RNF151: variants seen among roughly 807,000 people sequenced by gnomAD.
The protein encoded by RNF151 is ring finger protein 151.
Under a neutral mutation model 11.1 loss-of-function variants are expected in RNF151, and 9 were observed. That is an observed-to-expected ratio of 0.81 (90% CI 0.49 to 1.42). The LOEUF is 1.42. RNF151 is among the 40% of genes most tolerant of loss of function. RNF151 has a pLI of 0.00. For synonymous variants in RNF151, 172 were observed against 140.7 expected (o/e 1.22, Z -1.58); for missense variants, 372 against 342.9 (o/e 1.08, Z -0.67).
chr16:1,968,006 A>C (rs1410335623), intron 3 of RNF151, 185 bp downstream of exon 3: 1 of 705,684 alleles, frequency 1.4e-6, no homozygotes, highest in Non-Finnish European at 2.6e-6. Flanking sequence ...ACTTTAGGCA[A>C]GTCACCTAAC....
intron 1 of RNF151, 109 bp from the exon 2 acceptor site, chr16:1,967,165 G>A (rs1476599265): frequency 7.0e-7 from 1 of 1,429,760 alleles, no homozygotes; most frequent in Non-Finnish European, 9.4e-7. Context: ...TTTACTTGAA[G>A]TTCTGTGGCC....
Position 1,968,731 on chromosome 16 carries a change from C to T in RNF151, c.544C>T (p.Leu182Phe), listed in dbSNP as rs1231494750. ...QERRRPLLLSLLRRVRWLDQA... is the reference protein window; with the variant it reads ...QERRRPLLLSFLRRVRWLDQA... ...GCGCCGTCGGCCCCTGCTGCTGTCC[C>T]TCCTGCGGCGTGTGCGCTGGCTGGA... The change falls in exon 4 of 4, where the codon CTC (leucine) becomes TTC (phenylalanine). Residue 182 changes from leucine (L) to phenylalanine (F), a missense_variant. Coordinates refer to ENST00000569714, the MANE Select transcript of RNF151 (RefSeq NM_174903.6). The T allele has an allele frequency of 1.3e-5, 21 of 1,570,826 alleles. No homozygotes were observed. Among genetic ancestry groups the T allele is most frequent in the Non-Finnish European group, 1.8e-5 (21 of 1,159,058 alleles).
At position 1,968,665 on chromosome 16, in the gene RNF151, T is replaced by C; in HGVS notation, c.478T>C (p.Cys160Arg). ...CCCGGCCGAGCGTGCTCGCCACAAC[T>C]GCTACCGGGAGCTGCACAACGCCTG... ...LDPAERARHNCYRELHNAWSV... is the reference protein window; with the variant it reads ...LDPAERARHNRYRELHNAWSV... The change falls in exon 4 of 4, where the codon TGC becomes CGC. Residue 160 changes from cysteine (C) to arginine (R), a missense_variant. Cys to Arg is a radical substitution (Grantham distance 180). Transcript: ENST00000569714. 1 of 1,568,172 alleles carries C rather than the reference T, an allele frequency of 6.4e-7. No individual in the cohort carries two copies. The highest frequency in any genetic ancestry group is 8.6e-7 in the Non-Finnish European group (1 of 1,157,498).
rs571773908 is a variant in RNF151 at position 1,967,780 on chromosome 16, A to T, written c.205A>T (p.Met69Leu). The change falls in exon 3 of 4, where the codon ATG (methionine) becomes TTG (leucine). Residue 69 changes from methionine (M) to leucine (L), a missense_variant. Transcript: ENST00000569714. ...GGTGAAAAGGAAAAAGGTTGTCCAC[A>T]TGAATAAACTCCGGAAAACCATTGG... Reference protein sequence around the residue: ...KEVKRKKVVHMNKLRKTIGRL... With the variant: ...KEVKRKKVVHLNKLRKTIGRL... The T allele has an allele frequency of 2.5e-6, 4 of 1,611,984 alleles. No individual in the cohort carries two copies. In the African/African-American group the frequency reaches 4.0e-5, roughly 16 times the overall value.
In RNF151 at chr16:1,968,849, A is replaced by C. The variant is rs918676821; in HGVS notation, c.662A>C (p.Glu221Ala). ...TALLEGAPQE[E>A]AEAAPEGNVG... ...CTGCTGGAGGGTGCCCCACAGGAGG[A>C]GGCCGAGGCTGCCCCAGAAGGCAAC... Residue 221 changes from glutamate to alanine, a missense_variant, in exon 4 of 4, where the codon GAG becomes GCG. By Grantham distance (107) the Glu-to-Ala change is moderately radical. Coordinates refer to ENST00000569714, the MANE Select transcript of RNF151 (RefSeq NM_174903.6). 2.5e-6 allele frequency: 4 copies of C among 1,596,628 alleles called. No individual in the cohort carries two copies. The highest frequency in any genetic ancestry group is 2.7e-5 in the African/African-American group (2 of 74,610).
intron 3 of RNF151, chr16:1,968,140 A>T: frequency 3.2e-6 from 2 of 631,198 alleles, no homozygotes; most frequent in Non-Finnish European, 5.6e-6. Flanking sequence ...CCCTAGTTTT[A>T]CAGATGGGTA....
At position 1,968,446 on chromosome 16, in the gene RNF151, G is replaced by A. The variant is rs1196853304; in HGVS notation, c.259G>A (p.Asp87Asn). Reference protein sequence around the residue: ...GRLEVKCKNADAGCIVTCPLA... With the variant: ...GRLEVKCKNANAGCIVTCPLA... ...CCTTCACCCTCAGTGCAAGAACGCCGACGCTGGCTGCATAGTGACATGCCC... is the reference window on the plus strand; with the variant it reads ...CCTTCACCCTCAGTGCAAGAACGCCAACGCTGGCTGCATAGTGACATGCCC... Residue 87 changes from aspartate to asparagine, a missense_variant, in exon 4 of 4, where the codon GAC becomes AAC. Physicochemically the swap from Asp to Asn is conservative, Grantham distance 23. Coordinates refer to ENST00000569714, the MANE Select transcript of RNF151 (RefSeq NM_174903.6). The A allele has an allele frequency of 8.3e-6, 13 of 1,560,848 alleles. No homozygotes were observed. The East Asian group carries it at 1.4e-4, about 17-fold the overall frequency.
chr16:1,967,899 C>T, intron 3 of RNF151, 78 bp downstream of exon 3: 1 of 992,630 alleles, frequency 1.0e-6, no homozygotes. Flanking sequence ...GGAGAGAAGG[C>T]AGGAGAATCC....
chr16:1,968,400 C>T, intron 3 of RNF151, 34 bp from the exon 4 acceptor site: 1 of 1,492,512 alleles, frequency 6.7e-7, no homozygotes, highest in South Asian at 1.3e-5. Flanking sequence ...GGGTGTCCTG[C>T]CCGGTTTCTT....
In RNF151 at chr16:1,967,462, C is replaced by G. The variant is rs374933547; in HGVS notation, c.149+43C>G. 52 of 1,562,514 alleles carry G rather than the reference C, an allele frequency of 3.3e-5. No individual in the cohort carries two copies. In the African/African-American group the frequency reaches 6.8e-4, roughly 20 times the overall value. Reference sequence around the variant, plus strand: ...AGGGGCTGGGAGGGCAGGAGTGAGACTGGGGGCCATTGCTGTGGCCCAGAA... The same window carrying G: ...AGGGGCTGGGAGGGCAGGAGTGAGAGTGGGGGCCATTGCTGTGGCCCAGAA... On this transcript the variant is annotated intron_variant, in intron 2 of 3. Transcript: ENST00000569714.
chr16:1,967,375 C>G lies in RNF151; in HGVS notation c.105C>G (p.Cys35Trp). 1 of 1,613,764 alleles carries G rather than the reference C, an allele frequency of 6.2e-7. No individual in the cohort carries two copies. Among genetic ancestry groups the G allele is most frequent in the Non-Finnish European group, 8.5e-7 (1 of 1,179,850 alleles). ...GVLKRPARLP[C>W]SHIFCKKCIL... Reference sequence around the variant, plus strand: ...TCAAGAGGCCAGCAAGGTTGCCATGCAGCCACATCTTCTGCAAAAAGTGCA... The same window carrying G: ...TCAAGAGGCCAGCAAGGTTGCCATGGAGCCACATCTTCTGCAAAAAGTGCA... Residue 35 changes from cysteine (C) to tryptophan (W), a missense_variant, in exon 2 of 4, where the codon TGC becomes TGG. By Grantham distance (215) the Cys-to-Trp change is radical. Transcript: ENST00000569714.
chr16:1,967,980 G>T (rs2083326539), intron 3 of RNF151, 159 bp downstream of exon 3: 2 of 712,342 alleles, frequency 2.8e-6, no homozygotes, highest in East Asian at 5.4e-5. Context: ...TGGCTCTACT[G>T]CTTAGTTGCT....
rs763097728 is a variant in RNF151, at chr16:1,967,419, G to A, written c.149G>A (p.Arg50Lys). 5 of 1,612,408 alleles carry A rather than the reference G, an allele frequency of 3.1e-6. No homozygotes were observed. The South Asian group carries it at 5.5e-5, about 18-fold the overall frequency. The part of the protein sequence containing the change: ...CKKCILRWLA[R>K]QKTCPCCRKE... ...AAGTGCATCCTCCGGTGGCTAGCCA[G>A]GTGCCAGCGGGTACCCAAGGGGCTG... The change falls in exon 2 of 4, where the codon AGA becomes AAA. Residue 50 changes from arginine (R) to lysine (K), a missense_variant and splice_region_variant. Arg to Lys is a conservative substitution (Grantham distance 26). Transcript: ENST00000569714.
intron 1 of RNF151, 101 bp downstream of exon 1, chr16:1,966,985 T>G: frequency 7.3e-7 from 1 of 1,367,824 alleles, no homozygotes; most frequent in Non-Finnish European, 1.0e-6. Flanking sequence ...TCGGAAAGGG[T>G]GGGCAATGGG....
At position 1,968,711 on chromosome 16, in the gene RNF151, G is replaced by C. The variant is rs758388088; in HGVS notation, c.524G>C (p.Arg175Pro). The C allele has an allele frequency of 1.9e-6, 3 of 1,566,038 alleles. No homozygotes were observed. Among genetic ancestry groups the C allele is most frequent in the Non-Finnish European group, 2.6e-6 (3 of 1,156,324 alleles). ...HNAWSVRQERRRPLLLSLLRR... is the reference protein window; with the variant it reads ...HNAWSVRQERPRPLLLSLLRR... ...GCCTGGAGCGTGCGCCAGGAGCGCC[G>C]TCGGCCCCTGCTGCTGTCCCTCCTG... The change falls in exon 4 of 4, where the codon CGT (arginine) becomes CCT (proline). Residue 175 changes from arginine (R) to proline (P), a missense_variant. Physicochemically the swap from Arg to Pro is moderately radical, Grantham distance 103. Coordinates refer to ENST00000569714, the MANE Select transcript of RNF151 (RefSeq NM_174903.6).
chr16:1,966,896 G>A lies in RNF151; in HGVS notation c.3+12G>A. ...AGACGCAGATCATGGTGAGCCTGGG[G>A]CCCTCTTGCTTCCAGCCCTGAGATG... On this transcript the variant is annotated intron_variant, in intron 1 of 3. Transcript: ENST00000569714. 6.3e-7 allele frequency: 1 copy of A among 1,574,836 alleles called. No homozygotes were observed. Among genetic ancestry groups the A allele is most frequent in the Non-Finnish European group, 8.6e-7 (1 of 1,156,078 alleles).
chr16:1,968,896 G>T lies in RNF151; in HGVS notation c.709G>T (p.Glu237Ter). ...CAACGTTGGGGCTGAGGTGGTGGGG[G>T]AGCCCAGGGCCAACATACCTTGTAA... Reference protein sequence around the residue: ...EGNVGAEVVGEPRANIPCK With the variant: ...EGNVGAEVVG Residue 237 changes from glutamate (E) to a stop codon, truncating the protein, a stop_gained, in exon 4 of 4, where the codon GAG (glutamate) becomes TAG (stop). Transcript: ENST00000569714. LOFTEE classifies it high-confidence loss of function. 2.5e-6 allele frequency: 4 copies of T among 1,599,118 alleles called. No individual in the cohort carries two copies. The highest frequency in any genetic ancestry group is 3.4e-6 in the Non-Finnish European group (4 of 1,173,642).
Position 1,968,782 on chromosome 16 carries a change from G to T in RNF151, c.595G>T (p.Glu199Ter), listed in dbSNP as rs762848406. 6.3e-7 allele frequency: 1 copy of T among 1,590,234 alleles called. No individual in the cohort carries two copies. The highest frequency in any genetic ancestry group is 8.6e-7 in the Non-Finnish European group (1 of 1,169,182). ...LDQATSVVRRELAELSNFLEE... is the reference protein window; with the variant it reads ...LDQATSVVRR The stretch of plus-strand genomic sequence containing the variant: ...CCAAGCCACCAGTGTCGTTCGTAGA[G>T]AGCTGGCGGAGCTCAGCAACTTCCT... The change falls in exon 4 of 4, where the codon GAG becomes TAG. Residue 199 changes from glutamate (E) to a stop codon, truncating the protein, a stop_gained. Coordinates refer to ENST00000569714, the MANE Select transcript of RNF151 (RefSeq NM_174903.6). LOFTEE classifies it low-confidence loss of function (END_TRUNC).
chr16:1,967,858 T>C lies in RNF151; in HGVS notation c.246+37T>C, dbSNP rs2083325374. On this transcript the variant is annotated intron_variant, in intron 3 of 3. Coordinates refer to ENST00000569714, the MANE Select transcript of RNF151 (RefSeq NM_174903.6). ...TACCCACTCCCCTGACCCTCAACCCTTCTCACCCTTGTAGGGGTGGGGCAG... is the reference window on the plus strand; with the variant it reads ...TACCCACTCCCCTGACCCTCAACCCCTCTCACCCTTGTAGGGGTGGGGCAG... The C allele has an allele frequency of 4.1e-6, 6 of 1,460,666 alleles. No individual in the cohort carries two copies. The Admixed American group carries it at 5.6e-5, about 14-fold the overall frequency. 90.5% of individuals were successfully genotyped at this position (1,460,666 alleles called of 1,614,324 possible).
Sources: gnomAD v4.1 joint callset for allele counts on GRCh38, gnomAD v4.1.1 for gene constraint, MANE v1.5 for transcripts, NCBI Gene and HGNC (gene_info 2026-07-23, HGNC 2026-07-21) for gene names.